PDE11A: variants seen among roughly 807,000 people sequenced by gnomAD.
The protein encoded by PDE11A is dual 3',5'-cyclic-AMP and -GMP phosphodiesterase 11A.
A neutral mutation model predicts 100.5 loss-of-function variants in PDE11A; 100 were observed. The observed-to-expected ratio is 1.00, with a 90% CI of 0.85 to 1.18. PDE11A has a LOEUF of 1.18. Ranked by LOEUF, PDE11A falls within the 50% of genes most tolerant of loss-of-function variation. The pLI, the probability that PDE11A is intolerant of heterozygous loss-of-function variation, is 0.00. For missense variants in PDE11A, 1,141 were observed against 1,152.6 expected (o/e 0.99, Z 0.15); for synonymous variants, 381 against 420.8 (o/e 0.91, Z 1.16).
intron 2 of PDE11A, among the ~76,000 whole-genome samples, chr2:177,918,172 G>A (rs2084982211): frequency 6.6e-6 from 1 of 152,226 alleles, no homozygotes; most frequent in South Asian, 2.1e-4. Context: ...CAAAATAGCA[G>A]AGGGGAAACT....
rs777153418 is a variant in PDE11A at position 178,072,240 on chromosome 2, G to A, written c.198C>T (p.Cys66=). The A allele has an allele frequency of 1.9e-5, 30 of 1,613,494 alleles. No individual in the cohort carries two copies. The highest frequency in any genetic ancestry group is 1.2e-4 in the South Asian group (11 of 91,010). The part of the protein sequence containing the change: ...AGTSSLAHST[C]RGGSSVGGGT... ...CACCACCAACGCTGCTGCCACCTCT[G>A]CAGGTGCTGTGAGCCAAGCTGCTGG... The change falls in exon 1 of 20, where the codon TGC becomes TGT. Residue 66 remains cysteine (C), a synonymous_variant. Transcript: ENST00000286063.
intron 15 of PDE11A, among the ~76,000 whole-genome samples, chr2:177,689,834 G>T (rs1022116144): frequency 3.3e-5 from 5 of 152,290 alleles, no homozygotes; most frequent in South Asian, 2.1e-4. Context: ...AGACCACAAG[G>T]CCCCAGCAGT....
chr2:177,664,674 A>G (rs1305256444), intron 18 of PDE11A, among the ~76,000 whole-genome samples: 1 of 152,212 alleles, frequency 6.6e-6, no homozygotes, highest in Non-Finnish European at 1.5e-5. Context: ...AATTCACTGA[A>G]CAAACACTGC....
At chr2:177,855,384 A>AGAGTT (rs1219645309) in intron 5 of PDE11A, among the ~76,000 whole-genome samples, 7 of 152,086 alleles carry the variant, frequency 4.6e-5, no homozygotes, top group African/African-American at 1.7e-4. Flanking sequence ...GTCAAAATCA[A>AGAGTT]CTTTTTCAGA....
chr2:177,843,872 G>A (rs965940330), intron 5 of PDE11A, among the ~76,000 whole-genome samples: 1 of 152,180 alleles, frequency 6.6e-6, no homozygotes, highest in Non-Finnish European at 1.5e-5. Flanking sequence ...TACCAATCAC[G>A]AGTGCTGAAG....
At chr2:178,028,657 C>A (rs142714143) in intron 1 of PDE11A, among the ~76,000 whole-genome samples, 1 of 152,166 alleles carries the variant, frequency 6.6e-6, no homozygotes, top group African/African-American at 2.4e-5. Context: ...ATGTCATTTT[C>A]TTAGCCAGCT....
At chr2:178,019,776 A>G (rs2086383029) in intron 1 of PDE11A, among the ~76,000 whole-genome samples, 1 of 152,194 alleles carries the variant, frequency 6.6e-6, no homozygotes, top group Non-Finnish European at 1.5e-5. Flanking sequence ...GGGAGGGGAG[A>G]ATAGACAAAA....
intron 5 of PDE11A, among the ~76,000 whole-genome samples, chr2:177,870,193 T>C (rs1474593778): frequency 6.6e-6 from 1 of 152,236 alleles, no homozygotes; most frequent in Non-Finnish European, 1.5e-5. Context: ...TCTTCCTTCA[T>C]TGTTGCTTTG....
intron 1 of PDE11A, among the ~76,000 whole-genome samples, chr2:178,070,951 G>A (rs1250259972): frequency 6.6e-6 from 1 of 152,154 alleles, no homozygotes; most frequent in African/African-American, 2.4e-5. Context: ...GTGAGTCACA[G>A]GACCATTTTT....
rs2087088071 is a variant in PDE11A at position 178,068,951 on chromosome 2, T to C, written c.912+2575A>G. Among the ~76,000 whole-genome samples the C allele has an allele frequency of 2.0e-5, 3 of 152,220 alleles. No homozygotes were observed. The East Asian group carries it at 5.8e-4, about 29-fold the overall frequency. ...GATAGATATTTTCATGTTCCTTGAA[T>C]GTAAACCTGGTTTCAAAATACTTAA... is the stretch of plus-strand genomic sequence containing the variant. On this transcript the variant is annotated intron_variant, in intron 1 of 19. Coordinates refer to ENST00000286063, the MANE Select transcript of PDE11A (RefSeq NM_016953.4).
chr2:177,981,586 A>G (rs2085882238), intron 2 of PDE11A, among the ~76,000 whole-genome samples: 1 of 150,560 alleles, frequency 6.6e-6, no homozygotes, highest in African/African-American at 2.4e-5. Context: ...ATTAGGGTCT[A>G]CCCTAATGAA....
intron 5 of PDE11A, among the ~76,000 whole-genome samples, chr2:177,845,585 G>A (rs538859955): frequency 2.7e-5 from 4 of 149,172 alleles, no homozygotes; most frequent in South Asian, 2.2e-4. Context: ...CATCTCAGAC[G>A]ATGGGTGGCT....
chr2:177,757,421 A>G (rs2082105294), intron 10 of PDE11A, among the ~76,000 whole-genome samples: 1 of 152,216 alleles, frequency 6.6e-6, no homozygotes, highest in Non-Finnish European at 1.5e-5. Flanking sequence ...ATGAAATAAG[A>G]GCTATGAAAG....
intron 5 of PDE11A, among the ~76,000 whole-genome samples, chr2:177,841,224 T>A (rs747868491): frequency 6.6e-6 from 1 of 152,156 alleles, no homozygotes; most frequent in African/African-American, 2.4e-5. Context: ...CACAAGTATA[T>A]ATTGAGCACT....
At chr2:178,106,748 T>A (rs2087621948) in intron 1 of PDE11A, among the ~76,000 whole-genome samples, 1 of 151,908 alleles carries the variant, frequency 6.6e-6, no homozygotes, top group Non-Finnish European at 1.5e-5. Flanking sequence ...TCACCTGAGG[T>A]CAGGAGTTCG....
chr2:177,652,031 A>T (rs1302036299), intron 19 of PDE11A, among the ~76,000 whole-genome samples: 11 of 152,204 alleles, frequency 7.2e-5, no homozygotes. Context: ...ACTAGTAACA[A>T]TGTGATAACC....
At chr2:177,940,956 G>A (rs2085339243) in intron 2 of PDE11A, among the ~76,000 whole-genome samples, 1 of 151,040 alleles carries the variant, frequency 6.6e-6, no homozygotes, top group African/African-American at 2.4e-5. Context: ...GACCAATCTG[G>A]ACTCAATATC....
At chr2:178,058,370 C>T (rs1359295715) in intron 1 of PDE11A, among the ~76,000 whole-genome samples, 1 of 152,192 alleles carries the variant, frequency 6.6e-6, no homozygotes, top group South Asian at 2.1e-4. Flanking sequence ...ATTATGGGGG[C>T]AGATCTTTCC....
intron 2 of PDE11A, among the ~76,000 whole-genome samples, chr2:177,988,231 C>A (rs1418310192): frequency 6.6e-6 from 1 of 152,192 alleles, no homozygotes; most frequent in African/African-American, 2.4e-5. Context: ...TTGATGCTTC[C>A]ATGGTTCAAC....
Sources: gnomAD v4.1 joint callset for allele counts (sites outside exome capture counted in the v4.1 genomes callset) on GRCh38, gnomAD v4.1.1 for gene constraint, MANE v1.5 for transcripts, NCBI Gene and HGNC (gene_info 2026-07-23, HGNC 2026-07-21) for gene names.